BDNF: variants seen among roughly 807,000 people sequenced by gnomAD.
BDNF encodes brain derived neurotrophic factor.
In BDNF, 1 loss-of-function variant was observed where a neutral mutation model predicts 19.5. The observed-to-expected ratio is 0.05, with a 90% CI of 0.02 to 0.24. BDNF has a LOEUF of 0.24. BDNF is among the 10% of genes least tolerant of loss of function. BDNF has a pLI of 1.00. For synonymous variants in BDNF, 100 were observed against 121.6 expected, an observed-to-expected ratio of 0.82 and a Z score of 1.17; for missense variants, 195 against 317.6, an observed-to-expected ratio of 0.61 and a Z score of 2.93.
At chr11:27,707,484 T>C (rs1860156610) in intron 1 of BDNF, among the ~76,000 whole-genome samples, 1 of 152,244 alleles carries the variant, frequency 6.6e-6, no homozygotes. Flanking sequence ...CTCTTCATAA[T>C]ATCGCCTTGA....
At chr11:27,673,133 G>A (rs1052357961) in intron 1 of BDNF, among the ~76,000 whole-genome samples, 1 of 152,028 alleles carries the variant, frequency 6.6e-6, no homozygotes, top group Admixed American at 6.6e-5. Context: ...ACACAGCTAA[G>A]GGACCGCCTC....
chr11:27,686,644 A>C (rs372358124), intron 1 of BDNF, among the ~76,000 whole-genome samples: 5 of 152,118 alleles, frequency 3.3e-5, no homozygotes, highest in South Asian at 2.1e-4. Flanking sequence ...TTTTATTTCT[A>C]CTTCACTTCT....
chr11:27,716,098 G>A (rs539949732), intron 1 of BDNF, among the ~76,000 whole-genome samples: 30 of 152,142 alleles, frequency 2.0e-4, no homozygotes, highest in African/African-American at 7.0e-4. Context: ...GTGTTTTAAG[G>A]GTATTAATCT....
chr11:27,657,301 G>A lies in BDNF; in HGVS notation c.*520C>T, dbSNP rs1179120313. On this transcript the variant is annotated 3_prime_UTR_variant, in exon 2 of 2. Transcript: ENST00000356660. The surrounding 1 kb of genome is among the most constrained non-coding windows in gnomAD (Gnocchi z 5.0). ...ATACCCCCCATCCCCCATCCCCTAAGCCAGTAAAGCAATGACAACAGCACC... is the reference window on the plus strand; with the variant it reads ...ATACCCCCCATCCCCCATCCCCTAAACCAGTAAAGCAATGACAACAGCACC... 2.0e-6 allele frequency: 2 copies of A among 987,840 alleles called. No homozygotes were observed. Among genetic ancestry groups the A allele is most frequent in the African/African-American group, 3.5e-5 (2 of 56,738 alleles). The allele number at this position is 987,840 out of a possible 1,614,324, so 61.2% of individuals were successfully genotyped here. A position where few individuals can be genotyped will look rare whatever the true frequency, so the allele number is the denominator to read the frequency against.
At chr11:27,667,601 A>T (rs2133861562) in intron 1 of BDNF, among the ~76,000 whole-genome samples, 1 of 152,326 alleles carries the variant, frequency 6.6e-6, no homozygotes, top group South Asian at 2.1e-4. Flanking sequence ...AAGCAAAAAA[A>T]AGCAGGAGTT....
chr11:27,673,570 C>G (rs1300815537), intron 1 of BDNF, among the ~76,000 whole-genome samples: 9 of 152,170 alleles, frequency 5.9e-5, no homozygotes. Flanking sequence ...AGTTGAGAGC[C>G]AACACCCCAC....
intron 1 of BDNF, among the ~76,000 whole-genome samples, chr11:27,698,410 T>A (rs1454963560): frequency 6.6e-6 from 1 of 152,108 alleles, no homozygotes; most frequent in African/African-American, 2.4e-5. Context: ...CTACATGCCA[T>A]AACATCAGAA....
intron 1 of BDNF, chr11:27,720,288 A>G: frequency 4.0e-5 from 39 of 976,764 alleles, no homozygotes; most frequent in Non-Finnish European, 4.6e-5. Context: ...TCTCCGGAAG[A>G]CAGTATCAAA....
chr11:27,672,432 G>T (rs1383856828), intron 1 of BDNF, among the ~76,000 whole-genome samples: 4 of 152,080 alleles, frequency 2.6e-5, no homozygotes, highest in Non-Finnish European at 5.9e-5. Flanking sequence ...TCTGGTCCTT[G>T]TGAGTTCCTT....
intron 1 of BDNF, among the ~76,000 whole-genome samples, chr11:27,680,825 A>G (rs1304913531): frequency 6.6e-6 from 1 of 152,208 alleles, no homozygotes; most frequent in African/African-American, 2.4e-5. Context: ...TACCACCATT[A>G]CATACTTCTG....
intron 1 of BDNF, 146 bp downstream of exon 1, chr11:27,700,018 T>G: frequency 1.2e-6 from 1 of 810,752 alleles, no homozygotes; most frequent in South Asian, 5.6e-5. Context: ...TCCCCAAGAG[T>G]AACTCCAAAT....
chr11:27,700,993 C>T (rs1015419676), upstream of BDNF: 5 of 1,361,710 alleles, frequency 3.7e-6, no homozygotes, highest in Non-Finnish European at 4.9e-6. Context: ...TCCTGCACTA[C>T]GGAGCTTGCG....
At chr11:27,674,809 T>C in intron 1 of BDNF, 2 of 951,198 alleles carry the variant, frequency 2.1e-6, no homozygotes, top group Non-Finnish European at 2.5e-6. Context: ...ACTCCATTTT[T>C]ACATAGTTGC....
intron 1 of BDNF, among the ~76,000 whole-genome samples, chr11:27,694,579 T>C (rs1858735353): frequency 7.6e-6 from 1 of 131,158 alleles, no homozygotes; most frequent in African/African-American, 3.0e-5. Context: ...GGTTCCTGGT[T>C]CCATAACTTT....
At chr11:27,691,296 G>C (rs1858244665) in intron 1 of BDNF, among the ~76,000 whole-genome samples, 1 of 152,124 alleles carries the variant, frequency 6.6e-6, no homozygotes, top group Non-Finnish European at 1.5e-5. Context: ...CCTTATATGA[G>C]AGAGTCAATG....
chr11:27,657,624 C>T lies in BDNF; in HGVS notation c.*197G>A, dbSNP rs1007333055. On this transcript the variant is annotated 3_prime_UTR_variant, in exon 2 of 2. Coordinates refer to ENST00000356660, the MANE Select transcript of BDNF (RefSeq NM_001709.5). This position sits in a 1 kb window ranked among gnomAD's most constrained non-coding sequence, Gnocchi z 5.0. ...TGTAATGCAGACTTTTTAAGTTGTG[C>T]GCAAATGACTGTTTCCCTTCTGGTC... 29 of 1,397,780 alleles carry T rather than the reference C, an allele frequency of 2.1e-5. No homozygotes were observed. Among genetic ancestry groups the T allele is most frequent in the East Asian group, 7.8e-5 (3 of 38,292 alleles). The allele number at this position is 1,397,780 out of a possible 1,614,324, so 86.6% of individuals were successfully genotyped here.
chr11:27,684,666 T>C (rs900060899), intron 1 of BDNF, among the ~76,000 whole-genome samples: 1 of 152,214 alleles, frequency 6.6e-6, no homozygotes. Flanking sequence ...ATCATGTGGT[T>C]TTTGTCATTG....
chr11:27,660,324 G>A, intron 1 of BDNF: 2 of 838,000 alleles, frequency 2.4e-6, no homozygotes, highest in South Asian at 1.5e-5. Context: ...TGCACGAATA[G>A]CAAACATGCT....
At chr11:27,714,067 T>G (rs1200091182) in intron 1 of BDNF, among the ~76,000 whole-genome samples, 1 of 152,252 alleles carries the variant, frequency 6.6e-6, no homozygotes, top group Non-Finnish European at 1.5e-5. Flanking sequence ...TAAAAGTCAA[T>G]AGCTGCCTCA....
Sources: allele counts gnomAD v4.1 joint callset (sites outside exome capture counted in the v4.1 genomes callset), GRCh38; gene constraint gnomAD v4.1.1; non-coding constraint Gnocchi (gnomAD v3.1); transcripts MANE v1.5; gene names NCBI Gene and HGNC (gene_info 2026-07-23, HGNC 2026-07-21).